Variants in RBMS3 observed in about 807,000 individuals in gnomAD.
RBMS3 encodes RNA binding motif single stranded interacting protein 3.
A neutral mutation model predicts 66.8 loss-of-function variants in RBMS3; 27 were observed. The observed-to-expected ratio is 0.40, with a 90% CI of 0.30 to 0.56. RBMS3 has a LOEUF of 0.56. Among genes scored for constraint, RBMS3 ranks in the 20% least tolerant of loss-of-function variants. The probability of loss-of-function intolerance (pLI) is 0.40; values close to 1 mark genes in which losing one functional copy is unlikely to be tolerated. For missense variants in RBMS3, 513 were observed against 549.5 expected, an observed-to-expected ratio of 0.93 and a Z score of 0.66; for synonymous variants, 188 against 183.0, an observed-to-expected ratio of 1.03 and a Z score of -0.22.
In RBMS3 at chr3:29,360,603, G is replaced by T. The variant is rs1030780439; in HGVS notation, c.76-74140G>T. Among the ~76,000 whole-genome samples the T allele has an allele frequency of 1.8e-4, 27 of 151,990 alleles. 1 individual carries two copies. Among genetic ancestry groups the T allele is most frequent in the African/African-American group, 5.6e-4 (23 of 41,272 alleles). On this transcript the variant is annotated intron_variant, in intron 1 of 14. Transcript: ENST00000383767. The stretch of plus-strand genomic sequence containing the variant: ...CTGAGTTCAATTCCTGGATATCCTT[G>T]TTAATTTTCTGTCTCATTGATCTGT...
Position 29,678,956 on chromosome 3 carries a change from G to A in RBMS3, c.400-60764G>A, listed in dbSNP as rs189498714. ...TAAAAGCTGAACAAATAATTTACAG[G>A]TATCTTACATTATTTCCCAAACTTC... On this transcript the variant is annotated intron_variant, in intron 4 of 14. Transcript: ENST00000383767. Among the ~76,000 whole-genome samples the A allele has an allele frequency of 8.2e-4, 124 of 152,130 alleles. 1 individual carries two copies. Among genetic ancestry groups the A allele is most frequent in the Middle Eastern group, 3.4e-3 (1 of 294 alleles).
At chr3:29,666,123 A>T (rs1397588633) in intron 4 of RBMS3, among the ~76,000 whole-genome samples, 2 of 152,288 alleles carry the variant, frequency 1.3e-5, no homozygotes, top group Non-Finnish European at 2.9e-5. Context: ...ATTCTCCCGA[A>T]TATCCATTTG....
chr3:29,717,133 C>A (rs1285995823), intron 4 of RBMS3, among the ~76,000 whole-genome samples: 2 of 151,814 alleles, frequency 1.3e-5, no homozygotes, highest in Non-Finnish European at 2.9e-5. Context: ...CGCTCACAGC[C>A]TTAGTTGCCT....
chr3:29,593,475 T>A (rs952514622), intron 4 of RBMS3, among the ~76,000 whole-genome samples: 1 of 152,096 alleles, frequency 6.6e-6, no homozygotes, highest in Non-Finnish European at 1.5e-5. Context: ...TGTTCCAGGG[T>A]AACTTGAGCA....
chr3:29,564,902 T>A (rs2046688715), intron 3 of RBMS3, among the ~76,000 whole-genome samples: 1 of 152,212 alleles, frequency 6.6e-6, no homozygotes, highest in African/African-American at 2.4e-5. Flanking sequence ...AAAGAATATC[T>A]TTAAAAATCA....
chr3:29,318,746 G>A (rs2034835762), intron 1 of RBMS3, among the ~76,000 whole-genome samples: 1 of 151,816 alleles, frequency 6.6e-6, no homozygotes, highest in African/African-American at 2.4e-5. Flanking sequence ...TGTGCTATGT[G>A]CTAGGGATGC....
chr3:29,712,171 G>A (rs768739031), intron 4 of RBMS3, among the ~76,000 whole-genome samples: 1 of 152,118 alleles, frequency 6.6e-6, no homozygotes, highest in Non-Finnish European at 1.5e-5. Flanking sequence ...ATCATCCCTA[G>A]CTGTGGTGGA....
chr3:29,434,303 G>C (rs2041315648), intron 1 of RBMS3, among the ~76,000 whole-genome samples: 1 of 152,166 alleles, frequency 6.6e-6, no homozygotes, highest in Non-Finnish European at 1.5e-5. Context: ...AACAATAGGA[G>C]GGAGTTTCTT....
intron 2 of RBMS3, among the ~76,000 whole-genome samples, chr3:29,484,218 G>C (rs2043240623): frequency 6.6e-6 from 1 of 152,208 alleles, no homozygotes; most frequent in Admixed American, 6.5e-5. Context: ...AAGCTCAGGA[G>C]GCCTTGGAGA....
chr3:29,543,918 T>C lies in RBMS3; in HGVS notation c.308-43196T>C, dbSNP rs545103205. Among the ~76,000 whole-genome samples, 3 of 152,254 alleles carry C rather than the reference T, an allele frequency of 2.0e-5. No individual in the cohort carries two copies. In the East Asian group the frequency reaches 5.8e-4, roughly 29 times the overall value. On this transcript the variant is annotated intron_variant, in intron 3 of 14. Transcript: ENST00000383767. ...TATAATTATTGGGATAATTAGGATA[T>C]AATTATTTGGGTAATAAAAGTATTA...
intron 1 of RBMS3, among the ~76,000 whole-genome samples, chr3:29,295,334 C>CATAT (rs34760284): frequency 7.1e-6 from 1 of 140,918 alleles, no homozygotes; most frequent in African/African-American, 2.6e-5. Context: ...TATACACACA[C>CATAT]ATATATATAT....
intron 6 of RBMS3, among the ~76,000 whole-genome samples, chr3:29,798,739 A>G (rs761060776): frequency 1.3e-5 from 2 of 152,156 alleles, no homozygotes; most frequent in Non-Finnish European, 2.9e-5. Flanking sequence ...ACCAGATGAC[A>G]TAGTGATGCA....
chr3:29,620,914 GT>G (rs777096117), intron 4 of RBMS3, among the ~76,000 whole-genome samples: 2 of 151,970 alleles, frequency 1.3e-5, no homozygotes, highest in East Asian at 3.8e-4. Flanking sequence ...CTTTATTATT[GT>G]TTTTAATTGT....
intron 12 of RBMS3, among the ~76,000 whole-genome samples, chr3:29,973,876 T>C (rs566908017): frequency 2.6e-4 from 39 of 152,064 alleles, no homozygotes; most frequent in African/African-American, 8.7e-4. Context: ...TTCTGTTTAT[T>C]GTTGCCCCCT....
At chr3:29,370,387 G>A (rs1007032161) in intron 1 of RBMS3, among the ~76,000 whole-genome samples, 1 of 152,192 alleles carries the variant, frequency 6.6e-6, no homozygotes, top group Admixed American at 6.5e-5. Flanking sequence ...TGTTTTGGGA[G>A]TTCTGCCTCT....
At chr3:29,932,555 T>C (rs1353147619) in intron 10 of RBMS3, among the ~76,000 whole-genome samples, 2 of 152,152 alleles carry the variant, frequency 1.3e-5, no homozygotes, top group Non-Finnish European at 2.9e-5. Context: ...TGACCTAGAA[T>C]ACTATCACAG....
chr3:29,357,604 G>C (rs982238900), intron 1 of RBMS3, among the ~76,000 whole-genome samples: 24 of 152,116 alleles, frequency 1.6e-4, no homozygotes, highest in African/African-American at 5.6e-4. Context: ...TCTAGTTCTA[G>C]ATCCCTGAGG....
chr3:29,811,612 TG>T (rs1490564499), intron 6 of RBMS3, among the ~76,000 whole-genome samples: 1 of 152,150 alleles, frequency 6.6e-6, no homozygotes. Context: ...CTTCAAAACT[TG>T]TTCCCTCTCC....
chr3:29,880,156 G>A (rs2059702262), intron 7 of RBMS3, among the ~76,000 whole-genome samples: 1 of 152,036 alleles, frequency 6.6e-6, no homozygotes, highest in Non-Finnish European at 1.5e-5. Flanking sequence ...AATCCTGTCT[G>A]GAAGATCTAA....
Sources: allele counts gnomAD v4.1 joint callset (sites outside exome capture counted in the v4.1 genomes callset), GRCh38; gene constraint gnomAD v4.1.1; transcripts MANE v1.5; gene names NCBI Gene and HGNC (gene_info 2026-07-23, HGNC 2026-07-21).